Variants in RSF1 observed in about 807,000 individuals in gnomAD.
The protein encoded by RSF1 is remodeling and spacing factor 1, also known as HBV pX-associated protein 8.
RSF1 carries 13 observed loss-of-function variants against 145.2 expected under a neutral mutation model. The observed-to-expected ratio is 0.09, with a 90% confidence interval of 0.06 to 0.14. The LOEUF (loss-of-function observed/expected upper bound fraction) is 0.14, where lower values mean the gene tolerates loss of function less well. Ranked by LOEUF, RSF1 falls within the 10% of genes least tolerant of loss-of-function variation. The probability of loss-of-function intolerance (pLI) is 1.00; values close to 1 mark genes in which losing one functional copy is unlikely to be tolerated. For synonymous variants in RSF1, 577 were observed against 592.6 expected, an observed-to-expected ratio of 0.97 and a Z score of 0.38; for missense variants, 1,517 against 1,718.2, an observed-to-expected ratio of 0.88 and a Z score of 2.07.
chr11:77,847,876 A>T, the RSF1 span, among the ~76,000 whole-genome samples: 1 of 151,978 alleles, frequency 6.6e-6, no homozygotes, highest in Non-Finnish European at 1.5e-5. Context: ...AGTCCTAAAA[A>T]CCCCGGGAGC....
chr11:77,689,959 C>T (rs1255978787), intron 9 of RSF1, among the ~76,000 whole-genome samples: 3 of 152,132 alleles, frequency 2.0e-5, no homozygotes, highest in East Asian at 1.9e-4. Flanking sequence ...GTCAGCAGTT[C>T]GAGACTAGCC....
intron 5 of RSF1, among the ~76,000 whole-genome samples, chr11:77,719,189 G>C (rs1960888296): frequency 6.6e-6 from 1 of 152,168 alleles, no homozygotes; most frequent in African/African-American, 2.4e-5. Flanking sequence ...AGTTGTGATT[G>C]TGGCACTAGA....
chr11:77,780,565 C>T (rs1948392177), intron 1 of RSF1, among the ~76,000 whole-genome samples: 1 of 152,228 alleles, frequency 6.6e-6, no homozygotes, highest in South Asian at 2.1e-4. Flanking sequence ...GTGGCTCACA[C>T]CTGTAATCCC....
intron 8 of RSF1, among the ~76,000 whole-genome samples, chr11:77,692,538 C>T (rs1490818898): frequency 4.9e-4 from 51 of 103,172 alleles, no homozygotes; most frequent in African/African-American, 2.4e-3. Context: ...GCCACCGCGC[C>T]CGGCCACTAC....
At chr11:77,683,351 A>C (rs1239535582) in intron 11 of RSF1, among the ~76,000 whole-genome samples, 1 of 152,112 alleles carries the variant, frequency 6.6e-6, no homozygotes, top group Non-Finnish European at 1.5e-5. Context: ...AAAGTATGTT[A>C]AAGCAAAAGA....
intron 3 of RSF1, among the ~76,000 whole-genome samples, chr11:77,744,760 A>C (rs931771877): frequency 2.0e-5 from 3 of 152,178 alleles, no homozygotes; most frequent in African/African-American, 7.2e-5. Flanking sequence ...TGGGAATATT[A>C]CTTTTCTTAT....
chr11:77,725,358 A>G (rs910412235), intron 5 of RSF1, among the ~76,000 whole-genome samples, 187 bp downstream of exon 5: 2 of 152,246 alleles, frequency 1.3e-5, no homozygotes, highest in Admixed American at 6.5e-5. Context: ...TGTTCTACAT[A>G]AAAGAGCAAC....
At chr11:77,785,891 A>T (rs1948450125) in intron 1 of RSF1, among the ~76,000 whole-genome samples, 1 of 129,374 alleles carries the variant, frequency 7.7e-6, no homozygotes, top group East Asian at 2.3e-4. Flanking sequence ...GCGCCACTGC[A>T]CTCCAACCTG....
Position 77,764,665 on chromosome 11 carries a change from TG to T in RSF1, c.211del (p.His71IlefsTer2). On this transcript the variant is annotated frameshift_variant, in exon 2 of 16. Coordinates refer to ENST00000308488, the MANE Select transcript of RSF1 (RefSeq NM_016578.4). LOFTEE classifies it high-confidence loss of function. ...GCCAATTTTCCTCATCAGCTTCAAA[TG>T]GAGCTCCACCAATTCTTTTGGTACT... ...GEVPKELVEL[H>X]LKLMRKIGKS... 1 of 1,606,880 alleles carries T rather than the reference TG, an allele frequency of 6.2e-7. No homozygotes were observed.
At chr11:77,683,255 C>T (rs887164099) in intron 11 of RSF1, among the ~76,000 whole-genome samples, 6 of 152,266 alleles carry the variant, frequency 3.9e-5, no homozygotes, top group Non-Finnish European at 7.4e-5. Flanking sequence ...GGTGCCACTG[C>T]ACTCCAGCCT....
chr11:77,721,647 T>C (rs891215482), intron 5 of RSF1, among the ~76,000 whole-genome samples: 11 of 152,184 alleles, frequency 7.2e-5, no homozygotes, highest in Non-Finnish European at 1.5e-5. Flanking sequence ...GATCTGACAA[T>C]ATAGGCAAAA....
At chr11:77,693,719 G>C in intron 7 of RSF1, 108 bp from the exon 8 acceptor site, 1 of 468,528 alleles carries the variant, frequency 2.1e-6, no homozygotes, top group Non-Finnish European at 3.8e-6. Flanking sequence ...CACTCTATTT[G>C]CATAAAGCTA....
intron 14 of RSF1, among the ~76,000 whole-genome samples, chr11:77,672,775 C>T (rs1428849337): frequency 2.0e-5 from 3 of 152,122 alleles, no homozygotes; most frequent in South Asian, 2.1e-4. Context: ...CTCCACTTCC[C>T]GGGTTCAAGC....
At chr11:77,865,731 A>G in the RSF1 span, among the ~76,000 whole-genome samples, 1 of 152,238 alleles carries the variant, frequency 6.6e-6, no homozygotes, top group Admixed American at 6.5e-5. Flanking sequence ...TCCTAAACTA[A>G]TAAAGAAGCA....
intron 1 of RSF1, among the ~76,000 whole-genome samples, chr11:77,793,963 G>A (rs983187903): frequency 6.6e-6 from 1 of 152,024 alleles, no homozygotes; most frequent in Admixed American, 6.6e-5. Flanking sequence ...AATGATAAAG[G>A]GATGAATCCA....
At chr11:77,674,445 C>T (rs1426319672) in intron 14 of RSF1, among the ~76,000 whole-genome samples, 1 of 152,226 alleles carries the variant, frequency 6.6e-6, no homozygotes, top group Non-Finnish European at 1.5e-5. Context: ...TTGTATTCTT[C>T]TCTCTCCAAC....
At chr11:77,675,435 C>A (rs1959676649) in intron 13 of RSF1, among the ~76,000 whole-genome samples, 179 bp from the exon 14 acceptor site, 1 of 152,182 alleles carries the variant, frequency 6.6e-6, no homozygotes, top group African/African-American at 2.4e-5. Flanking sequence ...CACCTATCCT[C>A]TTAGGAGGGG....
chr11:77,680,299 G>A (rs1959823625), intron 11 of RSF1, among the ~76,000 whole-genome samples: 1 of 151,924 alleles, frequency 6.6e-6, no homozygotes, highest in Non-Finnish European at 1.5e-5. Context: ...AATTAGCCAG[G>A]TGTGGTGATG....
chr11:77,757,692 A>C (rs1450759611), intron 2 of RSF1, among the ~76,000 whole-genome samples: 2 of 152,168 alleles, frequency 1.3e-5, no homozygotes, highest in South Asian at 4.1e-4. Context: ...AAGAAGAAAA[A>C]AAAAGAAAAA....
Sources: gnomAD v4.1 joint callset for allele counts (sites outside exome capture counted in the v4.1 genomes callset) on GRCh38, gnomAD v4.1.1 for gene constraint, MANE v1.5 for transcripts, NCBI Gene and HGNC (gene_info 2026-07-23, HGNC 2026-07-21) for gene names.